The following CSRP2 variants were observed in gnomAD, a reference collection of about 807,000 sequenced individuals.
The protein encoded by CSRP2 is cysteine and glycine rich protein 2, also known as cysteine and glycine-rich protein 2.
A neutral mutation model predicts 24.6 loss-of-function variants in CSRP2; 18 were observed. The ratio of observed to expected loss-of-function variants is 0.73; its 90% CI spans 0.51 to 1.09. CSRP2 has a LOEUF of 1.09. Among genes scored for constraint, CSRP2 ranks in the 50% least tolerant of loss-of-function variants. The pLI is 0.00. For synonymous variants in CSRP2, 87 were observed against 84.3 expected (o/e 1.03, Z -0.18); for missense variants, 215 against 239.4 (o/e 0.90, Z 0.67).
chr12:76,868,855 C>G (rs1032610046), intron 1 of CSRP2, among the ~76,000 whole-genome samples: 4 of 151,738 alleles, frequency 2.6e-5, no homozygotes, highest in Non-Finnish European at 5.9e-5. Flanking sequence ...ATAGCGTGAA[C>G]CCGGGAGGCG....
At chr12:76,868,295 G>A (rs1039661683) in intron 1 of CSRP2, among the ~76,000 whole-genome samples, 11 of 152,142 alleles carry the variant, frequency 7.2e-5, no homozygotes, top group Admixed American at 1.3e-4. Flanking sequence ...TGTCCCCACC[G>A]AAATCTCATC....
chr12:76,859,150 T>A, intron 5 of CSRP2, 122 bp from the exon 6 acceptor site: 2 of 747,304 alleles, frequency 2.7e-6, no homozygotes, highest in Non-Finnish European at 4.6e-6. Flanking sequence ...TCAACTTATT[T>A]AAGATGTTAA....
At chr12:76,865,246 G>A (rs1050598436) in intron 2 of CSRP2, among the ~76,000 whole-genome samples, 6 of 152,152 alleles carry the variant, frequency 3.9e-5, no homozygotes, top group Non-Finnish European at 7.4e-5. Flanking sequence ...TTTGCATTCT[G>A]TTTCCATACT....
At chr12:76,877,981 A>G (rs931500757) in intron 1 of CSRP2, among the ~76,000 whole-genome samples, 20 of 21,474 alleles carry the variant, frequency 9.3e-4, no homozygotes, top group Admixed American at 1.4e-3. Flanking sequence ...CACCCCCCAA[A>G]AAAAATTCTG....
chr12:76,866,325 T>C, intron 1 of CSRP2, 64 bp from the exon 2 acceptor site: 1 of 1,294,932 alleles, frequency 7.7e-7, no homozygotes, highest in South Asian at 1.3e-5. Flanking sequence ...TAGAGGGCTA[T>C]TTAAGCCCAG....
Position 76,859,531 on chromosome 12 carries a change from C to T in CSRP2, c.505+16G>A, listed in dbSNP as rs750610353. ...GGAATATTCATATGGACAGCAGTAA[C>T]TGAAATGAATTTTACCTTTACAATA... On this transcript the variant is annotated intron_variant, in intron 5 of 5. Coordinates refer to ENST00000311083, the MANE Select transcript of CSRP2 (RefSeq NM_001321.3). The T allele has an allele frequency of 1.3e-6, 2 of 1,558,952 alleles. No individual in the cohort carries two copies. The highest frequency in any genetic ancestry group is 1.8e-6 in the Non-Finnish European group (2 of 1,131,306).
chr12:76,865,114 T>A (rs1436576150), intron 2 of CSRP2, among the ~76,000 whole-genome samples: 1 of 152,220 alleles, frequency 6.6e-6, no homozygotes, highest in Non-Finnish European at 1.5e-5. Flanking sequence ...TTCGTAGAAA[T>A]GACCAGTAGA....
At chr12:76,861,350 A>C (rs1281283489) in intron 3 of CSRP2, 1 of 130,732 alleles carries the variant, frequency 7.6e-6, no homozygotes, top group African/African-American at 3.0e-5. Context: ...GACCCTGTCT[A>C]TATATATATA....
intron 3 of CSRP2, chr12:76,860,932 G>C (rs1953670202): frequency 6.6e-6 from 1 of 152,118 alleles, no homozygotes; most frequent in Admixed American, 6.5e-5. Flanking sequence ...AGTATATCTT[G>C]AATAAAGGAA....
intron 1 of CSRP2, among the ~76,000 whole-genome samples, chr12:76,874,122 T>C (rs1258363134): frequency 2.0e-5 from 3 of 152,224 alleles, no homozygotes; most frequent in Non-Finnish European, 2.9e-5. Flanking sequence ...TTTGAAGGTC[T>C]GCACCATTTA....
chr12:76,878,452 C>T (rs181125761), intron 1 of CSRP2, among the ~76,000 whole-genome samples: 191 of 152,262 alleles, frequency 1.3e-3, no homozygotes, highest in African/African-American at 4.3e-3. Flanking sequence ...CATTCCACCC[C>T]TAGGGGACAG....
intron 1 of CSRP2, among the ~76,000 whole-genome samples, chr12:76,872,862 G>A (rs532550490): frequency 1.3e-5 from 2 of 152,140 alleles, no homozygotes; most frequent in South Asian, 4.2e-4. Context: ...ACCACTCCAC[G>A]TGTGTCCGTG....
intron 2 of CSRP2, 200 bp from the exon 3 acceptor site, chr12:76,863,544 T>A: frequency 2.1e-6 from 1 of 487,180 alleles, no homozygotes. Flanking sequence ...CATTCCTCCA[T>A]GGATATGACA....
chr12:76,875,106 AC>A (rs1175632620), intron 1 of CSRP2, among the ~76,000 whole-genome samples: 1 of 152,170 alleles, frequency 6.6e-6, no homozygotes, highest in Admixed American at 6.5e-5. Flanking sequence ...TATTCAAATG[AC>A]CTGAGAATTC....
At chr12:76,859,981 G>A (rs1190171328) in intron 4 of CSRP2, among the ~76,000 whole-genome samples, 1 of 152,144 alleles carries the variant, frequency 6.6e-6, no homozygotes, top group African/African-American at 2.4e-5. Context: ...GTCCTGACTC[G>A]GATTCCTGCT....
intron 3 of CSRP2, chr12:76,862,203 G>T (rs1462325304): frequency 6.6e-6 from 1 of 152,150 alleles, no homozygotes; most frequent in East Asian, 1.9e-4. Flanking sequence ...GTGAAAATGT[G>T]AAGTTCAAAT....
chr12:76,873,908 G>A (rs1953826835), intron 1 of CSRP2, among the ~76,000 whole-genome samples: 1 of 152,240 alleles, frequency 6.6e-6, no homozygotes, highest in South Asian at 2.1e-4. Flanking sequence ...TATAAGCACT[G>A]CATAATGCTT....
rs750329086 is a variant in CSRP2 at position 76,860,367 on chromosome 12, C to A, written c.328G>T (p.Ala110Ser). ...PTTNPNTSKF[A>S]QKYGGAEKCS... ...TTCTCAGCACCTCCATATTTCTGAG[C>A]AAATTTAGAAGTGTTTGGATTTGTT... The change falls in exon 4 of 6, where the codon GCT (alanine) becomes TCT (serine). Residue 110 changes from alanine (A) to serine (S), a missense_variant. By Grantham distance (99) the Ala-to-Ser change is moderately conservative. Coordinates refer to ENST00000311083, the MANE Select transcript of CSRP2 (RefSeq NM_001321.3). 1.9e-6 allele frequency: 3 copies of A among 1,613,852 alleles called. No individual in the cohort carries two copies. The highest frequency in any genetic ancestry group is 1.7e-6 in the Non-Finnish European group (2 of 1,179,962).
intron 2 of CSRP2, chr12:76,864,352 G>A (rs907528356): frequency 6.6e-6 from 1 of 152,134 alleles, no homozygotes; most frequent in Non-Finnish European, 1.5e-5. Flanking sequence ...GTGTCGGGAA[G>A]GAAGTGAGGA....
Sources: allele counts gnomAD v4.1 joint callset (sites outside exome capture counted in the v4.1 genomes callset), GRCh38; gene constraint gnomAD v4.1.1; transcripts MANE v1.5; gene names NCBI Gene and HGNC (gene_info 2026-07-23, HGNC 2026-07-21).